The following SPSB4 variants were observed in gnomAD, a reference collection of about 807,000 sequenced individuals.
The protein encoded by SPSB4 is splA/ryanodine receptor domain and SOCS box containing 4.
In SPSB4, 21 loss-of-function variants were observed where a neutral mutation model predicts 20.9. The ratio of observed to expected loss-of-function variants is 1.01; its 90% confidence interval spans 0.71 to 1.45. The LOEUF is 1.45. Among genes scored for constraint, SPSB4 ranks in the 40% most tolerant of loss-of-function variants. The pLI, the probability that SPSB4 is intolerant of heterozygous loss-of-function variation, is 0.00. For missense variants in SPSB4, 399 were observed against 399.2 expected, an observed-to-expected ratio of 1.00 and a Z score of 0.00; for synonymous variants, 207 against 183.8, an observed-to-expected ratio of 1.13 and a Z score of -1.02.
At chr3:141,141,706 A>G (rs1421615193) in intron 2 of SPSB4, among the ~76,000 whole-genome samples, 1 of 152,124 alleles carries the variant, frequency 6.6e-6, no homozygotes, top group Non-Finnish European at 1.5e-5. Flanking sequence ...ATTTTTTATT[A>G]CCATTTCAAT....
At chr3:141,062,984 C>T (rs1222930210) in intron 1 of SPSB4, among the ~76,000 whole-genome samples, 1 of 149,520 alleles carries the variant, frequency 6.7e-6, no homozygotes, top group Non-Finnish European at 1.5e-5. Flanking sequence ...ATTAAAATTA[C>T]ATGCCTCTGA....
At chr3:141,137,980 G>A (rs1344454106) in intron 2 of SPSB4, among the ~76,000 whole-genome samples, 1 of 152,124 alleles carries the variant, frequency 6.6e-6, no homozygotes, top group East Asian at 1.9e-4. Flanking sequence ...TTTTTTGGTT[G>A]GTAAGCTATT....
At chr3:141,107,123 G>A (rs898676657) in intron 2 of SPSB4, among the ~76,000 whole-genome samples, 12 of 152,206 alleles carry the variant, frequency 7.9e-5, no homozygotes, top group Admixed American at 7.2e-4. Flanking sequence ...CTGGTCAGAG[G>A]CTCCACGCCT....
rs991784068 is a variant in SPSB4, at chr3:141,081,874, C to T, written c.694+15076C>T. 3.3e-5 allele frequency among the ~76,000 whole-genome samples: 5 copies of T among 152,276 alleles called. No homozygotes were observed. In the East Asian group the frequency reaches 7.7e-4, roughly 24 times the overall value. On this transcript the variant is annotated intron_variant, in intron 2 of 2. Coordinates refer to ENST00000310546, the MANE Select transcript of SPSB4 (RefSeq NM_080862.3). The stretch of plus-strand genomic sequence containing the variant: ...CGGCGTTAGGGGCTACTTCATATGG[C>T]ACTATTATTTATCTCAGCTTGTAAT...
At chr3:141,109,460 T>C (rs1459154910) in intron 2 of SPSB4, among the ~76,000 whole-genome samples, 1 of 152,060 alleles carries the variant, frequency 6.6e-6, no homozygotes, top group Non-Finnish European at 1.5e-5. Context: ...AACTCACTCC[T>C]CTGCCTCCCA....
intron 2 of SPSB4, among the ~76,000 whole-genome samples, chr3:141,094,765 C>CGCCCCCA (rs1938517319): frequency 1.4e-5 from 2 of 138,890 alleles, no homozygotes; most frequent in Non-Finnish European, 3.1e-5. Flanking sequence ...GTGCCCTGCC[C>CGCCCCCA]GCCCCCCGCC....
intron 2 of SPSB4, among the ~76,000 whole-genome samples, chr3:141,117,617 A>G (rs1330339152): frequency 6.6e-6 from 1 of 152,184 alleles, no homozygotes; most frequent in Admixed American, 6.5e-5. Flanking sequence ...CATCATCTAC[A>G]TTAGGTATTT....
chr3:141,084,019 G>A (rs755114144), intron 2 of SPSB4, among the ~76,000 whole-genome samples: 3 of 152,082 alleles, frequency 2.0e-5, no homozygotes, highest in Non-Finnish European at 2.9e-5. Flanking sequence ...GCTCTTTGGC[G>A]TCATCATCTG....
intron 2 of SPSB4, among the ~76,000 whole-genome samples, chr3:141,143,709 G>C (rs1457326508): frequency 6.6e-6 from 1 of 152,224 alleles, no homozygotes; most frequent in Non-Finnish European, 1.5e-5. Context: ...AGGTTGTTCT[G>C]TCATGAGTTG....
intron 1 of SPSB4, among the ~76,000 whole-genome samples, chr3:141,052,220 C>T (rs1936106342): frequency 6.6e-6 from 1 of 152,208 alleles, no homozygotes; most frequent in Non-Finnish European, 1.5e-5. Flanking sequence ...CCCTTTGCTT[C>T]TCTGCGTAGC....
At chr3:141,052,232 G>T (rs953489382) in intron 1 of SPSB4, among the ~76,000 whole-genome samples, 1 of 152,166 alleles carries the variant, frequency 6.6e-6, no homozygotes, top group African/African-American at 2.4e-5. Context: ...CTGCGTAGCG[G>T]ACAACGCACA....
chr3:141,147,452 G>GT lies in SPSB4; in HGVS notation c.*184dup. The GT allele has an allele frequency of 5.0e-6, 5 of 1,000,626 alleles. No homozygotes were observed. The highest frequency in any genetic ancestry group is 2.6e-5 in the East Asian group (1 of 37,960). 62.0% of individuals were successfully genotyped at this position (1,000,626 alleles called of 1,614,324 possible). A position where few individuals can be genotyped will look rare whatever the true frequency, so the allele number is the denominator to read the frequency against. The stretch of plus-strand genomic sequence containing the variant: ...GGAAACGAAAGGTCTCTTGCCAACA[G>GT]TATCTACTGCCCTCGAGGCAGCCCT... On this transcript the variant is annotated 3_prime_UTR_variant, in exon 3 of 3. Coordinates refer to ENST00000310546, the MANE Select transcript of SPSB4 (RefSeq NM_080862.3).
intron 2 of SPSB4, among the ~76,000 whole-genome samples, chr3:141,108,147 T>C (rs777141278): frequency 2.0e-5 from 3 of 151,928 alleles, no homozygotes; most frequent in African/African-American, 4.8e-5. Flanking sequence ...TTCACAGAGC[T>C]AGTTAAATCA....
At chr3:141,078,359 G>A (rs1938158257) in intron 2 of SPSB4, among the ~76,000 whole-genome samples, 1 of 152,190 alleles carries the variant, frequency 6.6e-6, no homozygotes, top group Non-Finnish European at 1.5e-5. Context: ...CCCTGCACTG[G>A]CCAGAAGTCA....
intron 1 of SPSB4, among the ~76,000 whole-genome samples, chr3:141,058,746 G>A (rs1202605509): frequency 1.3e-5 from 2 of 152,168 alleles, no homozygotes; most frequent in African/African-American, 4.8e-5. Context: ...ATAAATGAGG[G>A]TTGGAAGCAG....
intron 2 of SPSB4, among the ~76,000 whole-genome samples, chr3:141,083,125 T>A (rs968238171): frequency 6.6e-6 from 1 of 152,174 alleles, no homozygotes; most frequent in Non-Finnish European, 1.5e-5. Context: ...CTGGGCTTCC[T>A]TAGATTTGGG....
chr3:141,080,396 A>T (rs1270097429), intron 2 of SPSB4: 1 of 152,276 alleles, frequency 6.6e-6, no homozygotes, highest in Non-Finnish European at 1.5e-5. Context: ...CAGTGAACTC[A>T]GCGTGAGCTT....
intron 2 of SPSB4, among the ~76,000 whole-genome samples, chr3:141,145,480 T>C (rs565229464): frequency 3.4e-4 from 52 of 152,260 alleles, no homozygotes; most frequent in African/African-American, 1.2e-3. Flanking sequence ...TAAAAAGTAC[T>C]TCACTGCAGG....
chr3:141,053,709 C>T (rs1424102445), intron 1 of SPSB4, among the ~76,000 whole-genome samples: 2 of 151,710 alleles, frequency 1.3e-5, no homozygotes, highest in African/African-American at 4.9e-5. Flanking sequence ...TACCTCAATA[C>T]GAAAAATGCA....
Sources: allele counts gnomAD v4.1 joint callset (sites outside exome capture counted in the v4.1 genomes callset), GRCh38; gene constraint gnomAD v4.1.1; transcripts MANE v1.5; gene names NCBI Gene and HGNC (gene_info 2026-07-23, HGNC 2026-07-21).